The following PARD3B variants were observed in gnomAD, a reference collection of about 807,000 sequenced individuals.
PARD3B encodes the protein partitioning defective 3 homolog B.
Under a neutral mutation model 130.2 loss-of-function variants are expected in PARD3B, and 103 were observed. That is an observed-to-expected ratio of 0.79 (90% CI 0.67 to 0.93). The LOEUF is 0.93. Ranked by LOEUF, PARD3B falls within the 40% of genes least tolerant of loss-of-function variation. The probability of loss-of-function intolerance (pLI) is 0.00; values close to 1 mark genes in which losing one functional copy is unlikely to be tolerated. For missense variants in PARD3B, 1,609 were observed against 1,499.2 expected (o/e 1.07, Z -1.21); for synonymous variants, 583 against 553.2 (o/e 1.05, Z -0.76).
chr2:205,021,637 TC>T lies in PARD3B; in HGVS notation c.395-25943del, dbSNP rs1696618796. Among the ~76,000 whole-genome samples the T allele has an allele frequency of 8.5e-6, 1 of 117,240 alleles. No individual in the cohort carries two copies. Among genetic ancestry groups the T allele is most frequent in the Non-Finnish European group, 1.9e-5 (1 of 52,560 alleles). The allele number at this position is 117,240 out of a possible 152,430, so 76.9% of individuals were successfully genotyped here. A position where few individuals can be genotyped will look rare whatever the true frequency, so the allele number is the denominator to read the frequency against. On this transcript the variant is annotated intron_variant, in intron 3 of 22. Transcript: ENST00000406610. The surrounding 1 kb of genome is among the most constrained non-coding windows in gnomAD (Gnocchi z 4.5). ...CTCTCTCTCCCTCTCTCTTTCTCTC[TC>T]TCTCTCTCTCTCTATATATATATAT...
chr2:205,191,006 T>C, intron 14 of PARD3B, among the ~76,000 whole-genome samples: 1 of 148,214 alleles, frequency 6.7e-6, no homozygotes, highest in East Asian at 2.0e-4. Context: ...CTAGATACCA[T>C]ATCTAATACA....
At chr2:205,194,569 T>A (rs948452424) in intron 15 of PARD3B, among the ~76,000 whole-genome samples, 1 of 152,204 alleles carries the variant, frequency 6.6e-6, no homozygotes, top group African/African-American at 2.4e-5. Context: ...AATTTCTCTG[T>A]AAAGAAGATG....
chr2:204,765,601 G>A (rs1015247050), intron 2 of PARD3B, among the ~76,000 whole-genome samples: 6 of 152,150 alleles, frequency 3.9e-5, no homozygotes, highest in African/African-American at 1.2e-4. Flanking sequence ...CTTCAAAACA[G>A]CATATTTTGG....
chr2:204,807,556 C>T (rs1438668662), intron 2 of PARD3B, among the ~76,000 whole-genome samples: 1 of 152,020 alleles, frequency 6.6e-6, no homozygotes, highest in Non-Finnish European at 1.5e-5. Flanking sequence ...ATGTTTATTG[C>T]AGCAGTATTA....
chr2:205,017,130 G>A (rs542614071), intron 3 of PARD3B, among the ~76,000 whole-genome samples: 1 of 152,212 alleles, frequency 6.6e-6, no homozygotes, highest in South Asian at 2.1e-4. Flanking sequence ...GACAGTTTGG[G>A]TAATAGAGGG....
At chr2:205,059,640 C>G (rs1285318574) in intron 4 of PARD3B, among the ~76,000 whole-genome samples, 24 of 152,058 alleles carry the variant, frequency 1.6e-4, no homozygotes, top group Admixed American at 1.6e-3. Flanking sequence ...CTTTATGAAT[C>G]TAGAAACTTG....
Position 205,446,225 on chromosome 2 carries a change from G to A in PARD3B, c.3044+5553G>A, listed in dbSNP as rs2047901571. Among the ~76,000 whole-genome samples the A allele has an allele frequency of 6.6e-6, 1 of 152,206 alleles. No individual in the cohort carries two copies. ...CAGAGCTGACCAAAGGCAGATGAGA[G>A]AGGTTGGCCGGCCTTGACGAAGAGT... On this transcript the variant is annotated intron_variant, in intron 20 of 22. Coordinates refer to ENST00000406610, the MANE Select transcript of PARD3B (RefSeq NM_001302769.2). The surrounding 1 kb of genome is among the most constrained non-coding windows in gnomAD (Gnocchi z 4.4).
In PARD3B at chr2:205,575,872, T is replaced by C. The variant is rs2053740221; in HGVS notation, c.3260+22469T>C. Among the ~76,000 whole-genome samples, 1 of 152,144 alleles carries C rather than the reference T, an allele frequency of 6.6e-6. No individual in the cohort carries two copies. Among genetic ancestry groups the C allele is most frequent in the African/African-American group, 2.4e-5 (1 of 41,432 alleles). ...TTTCTTGTGGACATAAGTTTTCAGC[T>C]CTTTTGGGTAAATACCAAGGAACAT... On this transcript the variant is annotated intron_variant, in intron 22 of 22. Transcript: ENST00000406610. This position sits in a 1 kb window ranked among gnomAD's most constrained non-coding sequence, Gnocchi z 4.6.
chr2:205,035,828 T>TATAGTGGG (rs1559374303), intron 3 of PARD3B, among the ~76,000 whole-genome samples: 4 of 7,974 alleles, frequency 5.0e-4, no homozygotes, highest in African/African-American at 1.2e-3. Context: ...TATCTATATA[T>TATAGTGGG]CTATATATAT....
chr2:204,713,640 A>G (rs928410537), intron 2 of PARD3B, among the ~76,000 whole-genome samples: 3 of 152,070 alleles, frequency 2.0e-5, no homozygotes, highest in African/African-American at 7.2e-5. Flanking sequence ...AGTACCTCAT[A>G]TAAGTGGAAT....
At chr2:204,985,208 C>T (rs116537824) in intron 3 of PARD3B, among the ~76,000 whole-genome samples, 1 of 151,902 alleles carries the variant, frequency 6.6e-6, no homozygotes, top group Non-Finnish European at 1.5e-5. Context: ...CTGTTTTTTC[C>T]CTCCCTTTAA....
At chr2:204,798,306 G>A (rs1275402897) in intron 2 of PARD3B, among the ~76,000 whole-genome samples, 1 of 152,172 alleles carries the variant, frequency 6.6e-6, no homozygotes, top group Non-Finnish European at 1.5e-5. Flanking sequence ...ACAGCAGAAA[G>A]CAACAAGGGG....
At chr2:204,934,443 A>C (rs1688257821) in intron 2 of PARD3B, among the ~76,000 whole-genome samples, 1 of 152,194 alleles carries the variant, frequency 6.6e-6, no homozygotes, top group African/African-American at 2.4e-5. Context: ...AAATGCATAG[A>C]AGTCACTGGT....
chr2:205,350,515 G>A (rs527739289), intron 18 of PARD3B, among the ~76,000 whole-genome samples: 25 of 152,198 alleles, frequency 1.6e-4, no homozygotes, highest in African/African-American at 5.3e-4. Context: ...AACTCTCCCC[G>A]CCATTCTCAA....
chr2:205,050,425 G>A (rs1699111150), intron 4 of PARD3B, among the ~76,000 whole-genome samples: 1 of 151,552 alleles, frequency 6.6e-6, no homozygotes, highest in Admixed American at 6.6e-5. Context: ...TGTTATAACT[G>A]TTAATATATC....
intron 18 of PARD3B, among the ~76,000 whole-genome samples, chr2:205,320,832 C>T (rs563698310): frequency 1.3e-5 from 2 of 152,250 alleles, no homozygotes; most frequent in East Asian, 3.9e-4. Flanking sequence ...CTAGCTGGGC[C>T]AATATTTCAA....
intron 21 of PARD3B, among the ~76,000 whole-genome samples, chr2:205,547,749 A>T (rs938119544): frequency 6.6e-6 from 1 of 152,172 alleles, no homozygotes; most frequent in African/African-American, 2.4e-5. Flanking sequence ...CCACAGGAAA[A>T]CCAAGCATAC....
chr2:204,970,832 G>A (rs1483496925), intron 3 of PARD3B, among the ~76,000 whole-genome samples: 2 of 152,148 alleles, frequency 1.3e-5, no homozygotes, highest in Non-Finnish European at 2.9e-5. Flanking sequence ...AGTGGTATTA[G>A]CTTTATTCTC....
intron 22 of PARD3B, among the ~76,000 whole-genome samples, chr2:205,586,267 G>A (rs566493070): frequency 6.6e-6 from 1 of 152,330 alleles, no homozygotes; most frequent in South Asian, 2.1e-4. Context: ...GAGGAAGACA[G>A]TCAGAAAACA....
Sources: allele counts gnomAD v4.1 joint callset (sites outside exome capture counted in the v4.1 genomes callset), GRCh38; gene constraint gnomAD v4.1.1; non-coding constraint Gnocchi (gnomAD v3.1); transcripts MANE v1.5; gene names NCBI Gene and HGNC (gene_info 2026-07-23, HGNC 2026-07-21).